Variants in GPBP1L1 observed in about 807,000 individuals in gnomAD.
The protein encoded by GPBP1L1 is GC-rich promoter binding protein 1 like 1.
In GPBP1L1, 23 loss-of-function variants were observed where a neutral mutation model predicts 52.5. That is an observed-to-expected ratio of 0.44 (90% CI 0.32 to 0.62). The LOEUF is 0.62. Ranked by LOEUF, GPBP1L1 falls within the 20% of genes least tolerant of loss-of-function variation. The pLI, the probability that GPBP1L1 is intolerant of heterozygous loss-of-function variation, is 0.06. For missense variants in GPBP1L1, 596 were observed against 579.3 expected (o/e 1.03, Z -0.30); for synonymous variants, 243 against 203.1 (o/e 1.20, Z -1.67).
intron 6 of GPBP1L1, among the ~76,000 whole-genome samples, chr1:45,648,848 C>T (rs1449867645): frequency 1.3e-5 from 2 of 151,962 alleles, no homozygotes; most frequent in Non-Finnish European, 2.9e-5. Context: ...ACCAACATGG[C>T]GAAATCCCGC....
At chr1:45,647,166 ATT>A (rs778113669) in intron 6 of GPBP1L1, among the ~76,000 whole-genome samples, 27 of 112,624 alleles carry the variant, frequency 2.4e-4, no homozygotes, top group Admixed American at 6.8e-4. Context: ...ACTTCTTAGG[ATT>A]TTTTTTTTTT....
In GPBP1L1 at chr1:45,668,037, C is replaced by A. The variant is rs970758027; in HGVS notation, c.-1097-6812G>T. ...TACAGGTGTGAGCCACGCCTGCCCT[C>A]TAGTCTTAACAAAAATCTATACAGA... On this transcript the variant is annotated intron_variant, in intron 2 of 12. Transcript: ENST00000355105. 1.3e-5 allele frequency among the ~76,000 whole-genome samples: 2 copies of A among 152,296 alleles called. 1 individual carries two copies. The highest frequency in any genetic ancestry group is 4.1e-4 in the South Asian group (2 of 4,822).
intron 2 of GPBP1L1, among the ~76,000 whole-genome samples, chr1:45,682,770 C>T (rs563828050): frequency 6.6e-6 from 1 of 152,152 alleles, no homozygotes; most frequent in South Asian, 2.1e-4. Flanking sequence ...ATTTACATAA[C>T]ATTAGAAATA....
At chr1:45,651,630 TCTG>T in intron 6 of GPBP1L1, 1 of 688,588 alleles carries the variant, frequency 1.5e-6, no homozygotes. Flanking sequence ...AGGATGGCTC[TCTG>T]CTGCTGCAAC....
intron 10 of GPBP1L1, among the ~76,000 whole-genome samples, chr1:45,631,565 CAATT>C (rs1644531417): frequency 6.6e-6 from 1 of 152,056 alleles, no homozygotes; most frequent in Non-Finnish European, 1.5e-5. Context: ...GACTGGCCTA[CAATT>C]AATTAGGCTG....
At chr1:45,630,037 G>A (rs1308067826) in intron 11 of GPBP1L1, among the ~76,000 whole-genome samples, 2 of 150,490 alleles carry the variant, frequency 1.3e-5, no homozygotes, top group African/African-American at 4.9e-5. Context: ...TGCAACCTCC[G>A]CCTCCCGGGT....
At chr1:45,661,781 A>G (rs1175501337) in intron 2 of GPBP1L1, among the ~76,000 whole-genome samples, 1 of 152,152 alleles carries the variant, frequency 6.6e-6, no homozygotes, top group African/African-American at 2.4e-5. Flanking sequence ...ATAAAAGCAC[A>G]TGTAATCTCA....
intron 2 of GPBP1L1, among the ~76,000 whole-genome samples, chr1:45,662,716 T>C (rs1644960717): frequency 6.6e-6 from 1 of 152,142 alleles, no homozygotes; most frequent in African/African-American, 2.4e-5. Context: ...GGGTACAAGA[T>C]GACTATTCAC....
chr1:45,675,639 G>A (rs933777768), intron 2 of GPBP1L1, among the ~76,000 whole-genome samples: 5 of 152,024 alleles, frequency 3.3e-5, no homozygotes, highest in African/African-American at 1.2e-4. Context: ...TCCCAGGCTC[G>A]AGTGATCCTC....
Position 45,654,758 on chromosome 1 carries a change from C to T in GPBP1L1, c.262G>A (p.Gly88Arg). 1 of 1,614,116 alleles carries T rather than the reference C, an allele frequency of 6.2e-7. No homozygotes were observed. The highest frequency in any genetic ancestry group is 8.5e-7 in the Non-Finnish European group (1 of 1,180,020). The change falls in exon 6 of 13, where the codon GGA becomes AGA. Residue 88 changes from glycine (G) to arginine (R), a missense_variant. Physicochemically the swap from Gly to Arg is moderately radical, Grantham distance 125 (BLOSUM62 -2). Transcript: ENST00000355105. ...DSGVSKGAYAGITGNPSGWHS... is the reference protein window; with the variant it reads ...DSGVSKGAYARITGNPSGWHS... ...CAACCAGATGGGTTCCCTGTGATTC[C>T]AGCATATGCTCCCTTAGAGACACCA...
intron 8 of GPBP1L1, 133 bp from the exon 9 acceptor site, chr1:45,634,369 T>C: frequency 2.3e-6 from 2 of 857,490 alleles, no homozygotes; most frequent in Middle Eastern, 3.8e-4. Flanking sequence ...TTAACATGTT[T>C]GGGAAGTATG....
chr1:45,647,166 ATTTTTTT>A (rs778113669), intron 6 of GPBP1L1, among the ~76,000 whole-genome samples: 1 of 112,650 alleles, frequency 8.9e-6, no homozygotes, highest in Non-Finnish European at 1.8e-5. Flanking sequence ...ACTTCTTAGG[ATTTTTTT>A]TTTTTTTTTT....
chr1:45,651,083 G>C, intron 6 of GPBP1L1: 1 of 503,586 alleles, frequency 2.0e-6, no homozygotes, highest in South Asian at 1.4e-5. Flanking sequence ...TTGGCAATGC[G>C]AGTCACAGAC....
At chr1:45,681,431 G>A (rs1368026719) in intron 2 of GPBP1L1, among the ~76,000 whole-genome samples, 1 of 152,126 alleles carries the variant, frequency 6.6e-6, no homozygotes, top group Non-Finnish European at 1.5e-5. Context: ...AAACTGAGGA[G>A]AAATATGCAA....
chr1:45,640,412 T>C lies in GPBP1L1; in HGVS notation c.551-9A>G, dbSNP rs1274434379. On this transcript the variant is annotated splice_polypyrimidine_tract_variant and intron_variant, in intron 7 of 12. Coordinates refer to ENST00000355105, the MANE Select transcript of GPBP1L1 (RefSeq NM_021639.5). ...GGCACTAGGCGGGTTTTCTGTGAAG[T>C]ACAAGAGTGGAGAGACAACAGAATG... The C allele has an allele frequency of 1.9e-6, 3 of 1,610,018 alleles. No homozygotes were observed. Among genetic ancestry groups the C allele is most frequent in the Non-Finnish European group, 2.5e-6 (3 of 1,177,290 alleles).
At chr1:45,673,389 G>GT (rs1645098472) in intron 2 of GPBP1L1, among the ~76,000 whole-genome samples, 1 of 152,160 alleles carries the variant, frequency 6.6e-6, no homozygotes, top group South Asian at 2.1e-4. Context: ...TCCCAGCAGA[G>GT]TAAGGGCCCA....
At chr1:45,655,064 A>G in intron 5 of GPBP1L1, 126 bp downstream of exon 5, 1 of 1,244,866 alleles carries the variant, frequency 8.0e-7, no homozygotes, top group Non-Finnish European at 1.1e-6. Context: ...AATGACTACT[A>G]GAGAATCTAA....
chr1:45,650,877 G>A (rs1291415241), intron 6 of GPBP1L1, among the ~76,000 whole-genome samples: 2 of 151,988 alleles, frequency 1.3e-5, no homozygotes, highest in Non-Finnish European at 1.5e-5. Context: ...CATCTCTTTG[G>A]CATCAAGAAT....
At chr1:45,661,672 G>A (rs959148110) in intron 2 of GPBP1L1, among the ~76,000 whole-genome samples, 3 of 152,118 alleles carry the variant, frequency 2.0e-5, no homozygotes, top group African/African-American at 7.2e-5. Context: ...GTCCAGGCTG[G>A]TCTCGAACTC....
Sources: allele counts gnomAD v4.1 joint callset (sites outside exome capture counted in the v4.1 genomes callset), GRCh38; gene constraint gnomAD v4.1.1; transcripts MANE v1.5; gene names NCBI Gene and HGNC (gene_info 2026-07-23, HGNC 2026-07-21).